The following GRIK4 variants were observed in gnomAD, a reference collection of about 807,000 sequenced individuals.
The protein encoded by GRIK4 is glutamate receptor ionotropic, kainate 4.
In GRIK4, 40 loss-of-function variants were observed where a neutral mutation model predicts 104.9. The ratio of observed to expected loss-of-function variants is 0.38; its 90% CI spans 0.30 to 0.50. The LOEUF (loss-of-function observed/expected upper bound fraction) is 0.50, where lower values mean the gene tolerates loss of function less well. Among genes scored for constraint, GRIK4 ranks in the 20% least tolerant of loss-of-function variants. GRIK4 has a pLI of 0.93. For synonymous variants in GRIK4, 485 were observed against 524.9 expected (o/e 0.92, Z 1.04); for missense variants, 1,047 against 1,308.1 (o/e 0.80, Z 3.08).
chr11:120,618,312 G>T (rs1304541998), intron 1 of GRIK4, among the ~76,000 whole-genome samples: 1 of 152,178 alleles, frequency 6.6e-6, no homozygotes, highest in Non-Finnish European at 1.5e-5. Context: ...TTACCTGACT[G>T]CTTCTAATTC....
chr11:120,571,805 G>C (rs967167437), intron 1 of GRIK4, among the ~76,000 whole-genome samples: 2 of 152,198 alleles, frequency 1.3e-5, no homozygotes, highest in Non-Finnish European at 1.5e-5. Flanking sequence ...CCAGGTCTGT[G>C]AGGTGACCTG....
intron 1 of GRIK4, among the ~76,000 whole-genome samples, chr11:120,535,291 G>GT (rs57783245): frequency 0.69 from 101,040 of 145,856 alleles, 35,357 homozygotes; most frequent in Middle Eastern, 0.75. Flanking sequence ...AGAGGGAAGG[G>GT]GGGTGCAGAT....
chr11:120,708,040 G>A (rs1009372782), intron 3 of GRIK4, among the ~76,000 whole-genome samples: 3 of 152,154 alleles, frequency 2.0e-5, no homozygotes, highest in African/African-American at 7.2e-5. Context: ...ACCTCTTAAT[G>A]GGAGGAATGC....
intron 1 of GRIK4, among the ~76,000 whole-genome samples, chr11:120,599,162 A>G (rs1948846828): frequency 6.6e-6 from 1 of 152,264 alleles, no homozygotes; most frequent in African/African-American, 2.4e-5. Flanking sequence ...CAGATGCCTC[A>G]TTTTGTTTGT....
In GRIK4 at chr11:120,956,861, C is replaced by T; in HGVS notation, c.1782C>T (p.Gly594=). The T allele has an allele frequency of 6.2e-7, 1 of 1,613,802 alleles. No individual in the cohort carries two copies. Among genetic ancestry groups the T allele is most frequent in the Non-Finnish European group, 8.5e-7 (1 of 1,179,948 alleles). ...CNLLVNQYSL[G]NSLWFPVGGF... Reference sequence around the variant, plus strand: ...TCCTGGTGAACCAGTACTCCCTGGGCAACAGCCTCTGGTTTCCGGTCGGGG... The same window carrying T: ...TCCTGGTGAACCAGTACTCCCTGGGTAACAGCCTCTGGTTTCCGGTCGGGG... Residue 594 remains glycine, a synonymous_variant, in exon 16 of 21, where the codon GGC becomes GGT. Transcript: ENST00000527524. The surrounding 1 kb of genome is among the most constrained non-coding windows in gnomAD (Gnocchi z 4.6).
At chr11:120,657,164 C>A (rs564457251) in intron 2 of GRIK4, among the ~76,000 whole-genome samples, 1 of 152,078 alleles carries the variant, frequency 6.6e-6, no homozygotes, top group Admixed American at 6.5e-5. Context: ...TTATTAAGGC[C>A]GTATAATATA....
chr11:120,784,410 A>G (rs1021126596), intron 3 of GRIK4, among the ~76,000 whole-genome samples: 1 of 152,144 alleles, frequency 6.6e-6, no homozygotes, highest in East Asian at 1.9e-4. Flanking sequence ...TCTTGCAAAG[A>G]ACTCAAAGCC....
intron 1 of GRIK4, chr11:120,514,911 G>T: frequency 2.2e-6 from 1 of 453,792 alleles, no homozygotes; most frequent in South Asian, 1.6e-5. Flanking sequence ...CTGAGTTACG[G>T]TCCTGAAAGC....
intron 1 of GRIK4, among the ~76,000 whole-genome samples, chr11:120,611,929 G>A (rs1450536698): frequency 2.0e-5 from 3 of 152,182 alleles, no homozygotes; most frequent in Non-Finnish European, 4.4e-5. Flanking sequence ...TTTGTGCAGT[G>A]CAGGGAGTGC....
intron 13 of GRIK4, among the ~76,000 whole-genome samples, chr11:120,906,926 G>A (rs1043019890): frequency 6.6e-6 from 1 of 152,196 alleles, no homozygotes; most frequent in African/African-American, 2.4e-5. Context: ...GCAAACAGAC[G>A]GCTGACAAGT....
intron 3 of GRIK4, among the ~76,000 whole-genome samples, chr11:120,704,771 A>G (rs1036537800): frequency 6.6e-6 from 1 of 151,438 alleles, no homozygotes; most frequent in Non-Finnish European, 1.5e-5. Context: ...AAGAGTAGGT[A>G]CTTTAGACTT....
chr11:120,636,713 G>A (rs1012695763), intron 1 of GRIK4, among the ~76,000 whole-genome samples: 28 of 152,232 alleles, frequency 1.8e-4, no homozygotes, highest in African/African-American at 6.5e-4. Context: ...GGTGGCGTGC[G>A]CCTGTAATCC....
intron 1 of GRIK4, among the ~76,000 whole-genome samples, chr11:120,606,397 T>C (rs1288637813): frequency 1.3e-5 from 2 of 152,174 alleles, no homozygotes; most frequent in African/African-American, 4.8e-5. Context: ...GGGAGAGTTA[T>C]TTACATAGCG....
chr11:120,522,209 A>G (rs1475155839), intron 1 of GRIK4, among the ~76,000 whole-genome samples: 3 of 152,240 alleles, frequency 2.0e-5, no homozygotes. Context: ...ACATGAAAGC[A>G]CCCAGTGCCT....
chr11:120,839,869 A>G (rs1953670549), intron 8 of GRIK4, among the ~76,000 whole-genome samples: 1 of 152,230 alleles, frequency 6.6e-6, no homozygotes, highest in Non-Finnish European at 1.5e-5. Flanking sequence ...GAATTGGGAC[A>G]AAATTATCCA....
chr11:120,568,421 T>C (rs1014658157), intron 1 of GRIK4, among the ~76,000 whole-genome samples: 1 of 151,966 alleles, frequency 6.6e-6, no homozygotes, highest in Middle Eastern at 3.4e-3. Flanking sequence ...AGAGTCTTGC[T>C]CTGTTGCCCA....
At chr11:120,788,887 G>A (rs1027437459) in intron 3 of GRIK4, among the ~76,000 whole-genome samples, 4 of 151,742 alleles carry the variant, frequency 2.6e-5, no homozygotes, top group Admixed American at 2.6e-4. Flanking sequence ...CCATCTAAAT[G>A]CTGCCTAACC....
Position 120,610,170 on chromosome 11 carries a change from G to T in GRIK4, c.-158-43515G>T, listed in dbSNP as rs548146496. Reference sequence around the variant, plus strand: ...CACAATACAGGTGGAGGCCTGGACTGCCTATTATGATCCGTGAGCCTTCCA... The same window carrying T: ...CACAATACAGGTGGAGGCCTGGACTTCCTATTATGATCCGTGAGCCTTCCA... On this transcript the variant is annotated intron_variant, in intron 1 of 20. Transcript: ENST00000527524. Among the ~76,000 whole-genome samples the T allele has an allele frequency of 2.0e-5, 3 of 152,302 alleles. No individual in the cohort carries two copies. In the East Asian group the frequency reaches 5.8e-4, roughly 29 times the overall value.
At chr11:120,642,795 T>C (rs1949487179) in intron 1 of GRIK4, among the ~76,000 whole-genome samples, 1 of 152,174 alleles carries the variant, frequency 6.6e-6, no homozygotes, top group South Asian at 2.1e-4. Flanking sequence ...CCTCACCTCA[T>C]CTGTTTGCTG....
Sources: gnomAD v4.1 joint callset for allele counts (sites outside exome capture counted in the v4.1 genomes callset) on GRCh38, gnomAD v4.1.1 for gene constraint, Gnocchi (gnomAD v3.1) non-coding constraint, MANE v1.5 for transcripts, NCBI Gene and HGNC (gene_info 2026-07-23, HGNC 2026-07-21) for gene names.